ARAP2: variants seen among roughly 807,000 people sequenced by gnomAD.
ARAP2 encodes ArfGAP with RhoGAP domain, ankyrin repeat and PH domain 2.
In ARAP2, 148 loss-of-function variants were observed where a neutral mutation model predicts 194.5. The observed-to-expected ratio is 0.76, with a 90% CI of 0.67 to 0.87. The LOEUF (loss-of-function observed/expected upper bound fraction) is 0.87, where lower values mean the gene tolerates loss of function less well. Among genes scored for constraint, ARAP2 ranks in the 40% least tolerant of loss-of-function variants. ARAP2 has a pLI of 0.00. For missense variants in ARAP2, 2,128 were observed against 1,989.7 expected (o/e 1.07, Z -1.32); for synonymous variants, 695 against 683.5 (o/e 1.02, Z -0.26).
At chr4:36,073,640 G>A in intron 32 of ARAP2, 49 bp downstream of exon 32, 4 of 1,583,892 alleles carry the variant, frequency 2.5e-6, no homozygotes, top group Non-Finnish European at 3.4e-6. Flanking sequence ...TATGACACAG[G>A]AAAATATATT....
chr4:36,026,494 A>G (rs967201242), intron 5 of ARAP2, among the ~76,000 whole-genome samples: 2 of 152,144 alleles, frequency 1.3e-5, no homozygotes, highest in Non-Finnish European at 2.9e-5. Flanking sequence ...GGATGTCATT[A>G]CATCTGCTGT....
intron 27 of ARAP2, among the ~76,000 whole-genome samples, chr4:36,105,090 C>G (rs183653550): frequency 6.6e-6 from 1 of 151,930 alleles, no homozygotes; most frequent in Non-Finnish European, 1.5e-5. Context: ...GAGGTCAAGG[C>G]AGGTGGATCA....
chr4:36,105,891 T>C (rs1247776465), intron 27 of ARAP2, among the ~76,000 whole-genome samples: 1 of 151,932 alleles, frequency 6.6e-6, no homozygotes, highest in African/African-American at 2.4e-5. Context: ...TGTCTAGGTG[T>C]AGGTTTTAAA....
chr4:36,080,209 C>CG lies in ARAP2; in HGVS notation c.4608+6_4608+7insC. On this transcript the variant is annotated splice_region_variant and intron_variant, in intron 31 of 32. Coordinates refer to ENST00000303965, the MANE Select transcript of ARAP2 (RefSeq NM_015230.4). ...ACTCTACTGGATAGTTCAAACAAAT[C>CG]TCGTACCTGGGCAATAAAGATACTG... The CG allele has an allele frequency of 6.2e-7, 1 of 1,611,252 alleles. No individual in the cohort carries two copies. The highest frequency in any genetic ancestry group is 8.5e-7 in the Non-Finnish European group (1 of 1,177,758).
intron 15 of ARAP2, among the ~76,000 whole-genome samples, chr4:36,152,935 G>C (rs1160529439): frequency 6.6e-6 from 1 of 152,218 alleles, no homozygotes; most frequent in South Asian, 2.1e-4. Context: ...TCACTTGATG[G>C]GTGTTCAGGA....
In ARAP2 at chr4:36,014,316, A is replaced by AAGAGAGAGAGAG. The variant is rs879800341; in HGVS notation, n.1056+1069_1056+1070insCTCTCTCTCTCT. Among the ~76,000 whole-genome samples, 13 of 106,416 alleles carry AAGAGAGAGAGAG rather than the reference A, an allele frequency of 1.2e-4. 2 individuals are homozygous for AAGAGAGAGAGAG. Among genetic ancestry groups the AAGAGAGAGAGAG allele is most frequent in the African/African-American group, 4.9e-4 (12 of 24,556 alleles). The allele number at this position is 106,416 out of a possible 152,430, so 69.8% of individuals were successfully genotyped here. A position where few individuals can be genotyped will look rare whatever the true frequency, so the allele number is the denominator to read the frequency against. ...AAGAAAGAAGAGAAGGAAGGAAAGA[A>AAGAGAGAGAGAG]AGAAAGAGAGAAAGAAAGAAAGAAA... is the stretch of plus-strand genomic sequence containing the variant. On this transcript the variant is annotated intron_variant and non_coding_transcript_variant, in intron 8 of 12. Transcript: ENST00000503225.
chr4:36,051,971 T>C (rs1722744517), intron 3 of ARAP2: 1 of 152,212 alleles, frequency 6.6e-6, no homozygotes, highest in Non-Finnish European at 1.5e-5. Context: ...ATAGTATTTT[T>C]TATATGCTCT....
At chr4:36,029,094 C>T (rs11096794) in intron 5 of ARAP2, among the ~76,000 whole-genome samples, 111,798 of 151,848 alleles carry the variant, frequency 0.74, 42,109 homozygotes, top group Admixed American at 0.85. Context: ...TGTAAACACA[C>T]ACCAACACAA....
At chr4:36,188,412 C>G (rs140245035) in intron 7 of ARAP2, among the ~76,000 whole-genome samples, 1 of 152,078 alleles carries the variant, frequency 6.6e-6, no homozygotes, top group Non-Finnish European at 1.5e-5. Flanking sequence ...AGTACAAAGA[C>G]GGAAAATCTC....
intron 16 of ARAP2, among the ~76,000 whole-genome samples, 163 bp downstream of exon 16, chr4:36,150,737 C>T: frequency 6.6e-6 from 1 of 152,168 alleles, no homozygotes; most frequent in Non-Finnish European, 1.5e-5. Context: ...GTAGTGAATT[C>T]CCAAAAGAAA....
chr4:36,082,221 A>G, intron 30 of ARAP2, 30 bp downstream of exon 30: 2 of 1,594,382 alleles, frequency 1.3e-6, no homozygotes, highest in Non-Finnish European at 1.7e-6. Flanking sequence ...CCAATATATT[A>G]TGTCCAAAAG....
chr4:36,143,816 T>TTC (rs1385101087), intron 19 of ARAP2, among the ~76,000 whole-genome samples: 1 of 151,854 alleles, frequency 6.6e-6, no homozygotes, highest in East Asian at 1.9e-4. Context: ...ACTTTGAACA[T>TTC]AACTTGTTAG....
At chr4:36,010,662 A>G (rs1048411452) in intron 9 of ARAP2, among the ~76,000 whole-genome samples, 5 of 152,064 alleles carry the variant, frequency 3.3e-5, no homozygotes. Context: ...TTCAAACCAA[A>G]TGACCTAATG....
intron 27 of ARAP2, among the ~76,000 whole-genome samples, chr4:36,104,002 C>T (rs190730510): frequency 1.4e-4 from 22 of 151,880 alleles, no homozygotes; most frequent in South Asian, 4.1e-4. Flanking sequence ...ACTCCTAAAA[C>T]GAATGAAATG....
chr4:36,073,908 C>T (rs1420631523), intron 31 of ARAP2, 85 bp from the exon 32 acceptor site: 3 of 1,453,938 alleles, frequency 2.1e-6, no homozygotes, highest in Non-Finnish European at 2.8e-6. Context: ...TTCTTTCCCA[C>T]ATATCCACAT....
At chr4:36,185,022 G>A (rs1740190045) in intron 8 of ARAP2, among the ~76,000 whole-genome samples, 1 of 152,168 alleles carries the variant, frequency 6.6e-6, no homozygotes, top group Non-Finnish European at 1.5e-5. Flanking sequence ...GCAGGGGTTT[G>A]CACACTTTGT....
At chr4:36,242,936 T>C (rs1488313644) in intron 1 of ARAP2, among the ~76,000 whole-genome samples, 1 of 152,186 alleles carries the variant, frequency 6.6e-6, no homozygotes, top group Non-Finnish European at 1.5e-5. Flanking sequence ...ATGTGTTAAA[T>C]ATGTTTAGAA....
chr4:36,233,622 T>C (rs536662028), intron 1 of ARAP2, among the ~76,000 whole-genome samples: 4 of 152,312 alleles, frequency 2.6e-5, no homozygotes, highest in East Asian at 1.9e-4. Flanking sequence ...AGTGTAAACA[T>C]AGGCCCGTGC....
At chr4:36,193,770 A>ATTGTT in intron 6 of ARAP2, 123 bp from the exon 7 acceptor site, 1 of 698,382 alleles carries the variant, frequency 1.4e-6, no homozygotes, top group Non-Finnish European at 2.2e-6. Context: ...AGACAACAAT[A>ATTGTT]GGCTATGATA....
Sources: gnomAD v4.1 joint callset for allele counts (sites outside exome capture counted in the v4.1 genomes callset) on GRCh38, gnomAD v4.1.1 for gene constraint, MANE v1.5 for transcripts, NCBI Gene and HGNC (gene_info 2026-07-23, HGNC 2026-07-21) for gene names.